Variants in CNTN6 observed in about 807,000 individuals in gnomAD.
CNTN6 encodes the protein contactin 6.
In CNTN6, 137 loss-of-function variants were observed where a neutral mutation model predicts 122.8. The ratio of observed to expected loss-of-function variants is 1.12; its 90% CI spans 0.97 to 1.29. The LOEUF is 1.29. CNTN6 is among the 50% of genes most tolerant of loss of function. CNTN6 has a pLI of 0.00. For synonymous variants in CNTN6, 570 were observed against 426.0 expected (o/e 1.34, Z -4.16); for missense variants, 1,634 against 1,223.4 (o/e 1.34, Z -5.01).
chr3:1,198,014 C>G (rs1012687570), intron 2 of CNTN6, among the ~76,000 whole-genome samples: 2 of 152,106 alleles, frequency 1.3e-5, no homozygotes, highest in African/African-American at 4.8e-5. Flanking sequence ...ACAAGCTTAG[C>G]TCTTTCCACT....
chr3:1,283,263 T>C (rs577304109), intron 5 of CNTN6, among the ~76,000 whole-genome samples: 29 of 152,220 alleles, frequency 1.9e-4, no homozygotes, highest in African/African-American at 6.7e-4. Context: ...CCCACAAAAC[T>C]TATTTAGTAT....
chr3:1,168,337 G>A (rs2093297893), intron 2 of CNTN6, among the ~76,000 whole-genome samples: 1 of 149,926 alleles, frequency 6.7e-6, no homozygotes, highest in South Asian at 2.1e-4. Flanking sequence ...AAGTGAGACA[G>A]GGTGAGAAAG....
intron 11 of CNTN6, among the ~76,000 whole-genome samples, chr3:1,338,704 T>C (rs1229565815): frequency 6.6e-6 from 1 of 152,208 alleles, no homozygotes; most frequent in Non-Finnish European, 1.5e-5. Context: ...TTCAAAATTT[T>C]ACATAAATAT....
Position 1,281,444 on chromosome 3 carries a change from T to C in CNTN6, c.454+2936T>C, listed in dbSNP as rs1220696749. On this transcript the variant is annotated intron_variant, in intron 5 of 22. Transcript: ENST00000446702. ...AAAAGTAGCACAGACTCCACAGAGA[T>C]AGAAGGCCATAAAAGTTGACTTTTT... Among the ~76,000 whole-genome samples, 4 of 149,538 alleles carry C rather than the reference T, an allele frequency of 2.7e-5. No individual in the cohort carries two copies. The East Asian group carries it at 5.9e-4, about 22-fold the overall frequency.
At chr3:1,276,833 G>C (rs943288877) in intron 4 of CNTN6, among the ~76,000 whole-genome samples, 4 of 152,146 alleles carry the variant, frequency 2.6e-5, no homozygotes, top group African/African-American at 9.7e-5. Context: ...ATCTAAAGTT[G>C]ACGTTCCAGA....
intron 6 of CNTN6, among the ~76,000 whole-genome samples, chr3:1,296,720 G>A (rs1696300145): frequency 6.6e-6 from 1 of 152,080 alleles, no homozygotes; most frequent in Non-Finnish European, 1.5e-5. Context: ...GTATTTGCAA[G>A]GTCTTCACTA....
chr3:1,146,270 A>T (rs943783290), intron 1 of CNTN6, among the ~76,000 whole-genome samples: 3 of 152,002 alleles, frequency 2.0e-5, no homozygotes, highest in Non-Finnish European at 4.4e-5. Context: ...CCTTTCTCCA[A>T]CCTTGTCTCA....
chr3:1,304,501 GACTT>G (rs1222518205), intron 7 of CNTN6, among the ~76,000 whole-genome samples: 1 of 151,962 alleles, frequency 6.6e-6, no homozygotes, highest in African/African-American at 2.4e-5. Context: ...CTAAGTATCT[GACTT>G]ACTTAATCCT....
chr3:1,322,868 A>C (rs1375574038), intron 8 of CNTN6, among the ~76,000 whole-genome samples: 1 of 151,726 alleles, frequency 6.6e-6, no homozygotes, highest in African/African-American at 2.4e-5. Flanking sequence ...AAACCTAGCC[A>C]AGAAAAACAA....
At chr3:1,386,015 A>T (rs1467280473) in intron 20 of CNTN6, among the ~76,000 whole-genome samples, 2 of 152,232 alleles carry the variant, frequency 1.3e-5, no homozygotes, top group Non-Finnish European at 2.9e-5. Flanking sequence ...GAATATTCCA[A>T]GTATATCGAT....
At chr3:1,354,627 G>A (rs917390930) in intron 12 of CNTN6, among the ~76,000 whole-genome samples, 2 of 151,400 alleles carry the variant, frequency 1.3e-5, no homozygotes, top group Non-Finnish European at 3.0e-5. Context: ...AATCAATGAT[G>A]AATCATAAAT....
At chr3:1,215,330 T>C (rs1162499944) in intron 2 of CNTN6, among the ~76,000 whole-genome samples, 1 of 152,224 alleles carries the variant, frequency 6.6e-6, no homozygotes, top group Non-Finnish European at 1.5e-5. Context: ...CTTCTCCTCA[T>C]TGTTTTATTA....
At chr3:1,101,012 C>T (rs1224254141) in intron 1 of CNTN6, among the ~76,000 whole-genome samples, 1 of 152,094 alleles carries the variant, frequency 6.6e-6, no homozygotes, top group Admixed American at 6.5e-5. Context: ...GGGAGACCAA[C>T]CTTGTTTGAG....
At chr3:1,274,306 A>T (rs1359770483) in intron 4 of CNTN6, among the ~76,000 whole-genome samples, 1 of 152,146 alleles carries the variant, frequency 6.6e-6, no homozygotes, top group African/African-American at 2.4e-5. Flanking sequence ...AGGCTGATTT[A>T]GTTTTTTCAT....
At chr3:1,257,709 C>T (rs964147650) in intron 4 of CNTN6, among the ~76,000 whole-genome samples, 1 of 152,124 alleles carries the variant, frequency 6.6e-6, no homozygotes, top group Non-Finnish European at 1.5e-5. Context: ...TCCCTTCACA[C>T]CCCTCCCGGC....
rs913379418 is a variant in CNTN6 at position 1,283,941 on chromosome 3, G to A, written c.454+5433G>A. 2.6e-5 allele frequency among the ~76,000 whole-genome samples: 4 copies of A among 152,250 alleles called. No individual in the cohort carries two copies. In the East Asian group the frequency reaches 7.7e-4, roughly 29 times the overall value. The stretch of plus-strand genomic sequence containing the variant: ...TTGACTCTGGGAGGCGGAGGTTGCA[G>A]TGAGCCAAGATCATGCCTTTGCACT... On this transcript the variant is annotated intron_variant, in intron 5 of 22. Transcript: ENST00000446702.
At chr3:1,365,502 A>G (rs1016893406) in intron 12 of CNTN6, among the ~76,000 whole-genome samples, 14 of 152,136 alleles carry the variant, frequency 9.2e-5, no homozygotes, top group East Asian at 7.7e-4. Flanking sequence ...CTCTTCAATC[A>G]TGAAAGCAAC....
intron 20 of CNTN6, among the ~76,000 whole-genome samples, chr3:1,397,362 T>C (rs1280212997): frequency 6.6e-6 from 1 of 152,090 alleles, no homozygotes; most frequent in East Asian, 1.9e-4. Context: ...AAAGAGGAGT[T>C]AAAGGACAAA....
intron 4 of CNTN6, among the ~76,000 whole-genome samples, chr3:1,250,255 C>T (rs1319805893): frequency 6.6e-6 from 1 of 152,176 alleles, no homozygotes; most frequent in Non-Finnish European, 1.5e-5. Context: ...CAACAGAAAT[C>T]AGGCTTCAAA....
Sources: gnomAD v4.1 joint callset for allele counts (sites outside exome capture counted in the v4.1 genomes callset) on GRCh38, gnomAD v4.1.1 for gene constraint, MANE v1.5 for transcripts, NCBI Gene and HGNC (gene_info 2026-07-23, HGNC 2026-07-21) for gene names.